NEGR1: variants seen among roughly 807,000 people sequenced by gnomAD.
The protein encoded by NEGR1 is neuronal growth regulator 1, also known as IgLON family member 4.
In NEGR1, 10 loss-of-function variants were observed where a neutral mutation model predicts 40.9. The ratio of observed to expected loss-of-function variants is 0.24; its 90% CI spans 0.15 to 0.42. NEGR1 has a LOEUF of 0.42. NEGR1 is among the 10% of genes least tolerant of loss of function. The probability of loss-of-function intolerance (pLI) is 1.00; values close to 1 mark genes in which losing one functional copy is unlikely to be tolerated. For missense variants in NEGR1, 352 were observed against 438.9 expected (o/e 0.80, Z 1.77); for synonymous variants, 185 against 166.8 (o/e 1.11, Z -0.84).
chr1:71,685,803 A>G (rs7542031), intron 4 of NEGR1, among the ~76,000 whole-genome samples: 149,735 of 152,280 alleles, frequency 0.98, 73,656 homozygotes, highest in Middle Eastern at 1. Flanking sequence ...TATCCAGATC[A>G]TTGGTATTCA....
intron 3 of NEGR1, among the ~76,000 whole-genome samples, chr1:71,730,219 T>C (rs904233610): frequency 6.6e-6 from 1 of 152,036 alleles, no homozygotes; most frequent in Non-Finnish European, 1.5e-5. Flanking sequence ...TTTGTTCAGA[T>C]AAGTAGATGG....
At chr1:71,478,242 A>T (rs1646834354) in intron 6 of NEGR1, among the ~76,000 whole-genome samples, 1 of 152,018 alleles carries the variant, frequency 6.6e-6, no homozygotes, top group African/African-American at 2.4e-5. Context: ...GTAAATGCTA[A>T]ACATAGTATT....
chr1:71,755,855 G>A (rs762017983), intron 3 of NEGR1, among the ~76,000 whole-genome samples: 2 of 152,146 alleles, frequency 1.3e-5, no homozygotes, highest in Non-Finnish European at 2.9e-5. Flanking sequence ...CTGGCACAAA[G>A]TCTGACATAG....
At chr1:72,232,637 T>A (rs1557590122) in intron 1 of NEGR1, among the ~76,000 whole-genome samples, 2 of 152,074 alleles carry the variant, frequency 1.3e-5, no homozygotes, top group East Asian at 3.9e-4. Flanking sequence ...ATCATTTTAA[T>A]TGTATCATAG....
intron 2 of NEGR1, among the ~76,000 whole-genome samples, chr1:71,854,129 T>C (rs1659691007): frequency 1.3e-5 from 2 of 152,162 alleles, no homozygotes; most frequent in South Asian, 4.1e-4. Context: ...CTTTGCCCTA[T>C]ACCTTGTCAA....
Position 71,734,732 on chromosome 1 carries a change from C to T in NEGR1, c.536-36593G>A, listed in dbSNP as rs545215810. On this transcript the variant is annotated intron_variant, in intron 3 of 6. Transcript: ENST00000357731. ...TTCTACTCCTATAATCTGACTCTTA[C>T]CACTAGTGTACCACTGAAACAGCTT... Among the ~76,000 whole-genome samples, 4 of 152,212 alleles carry T rather than the reference C, an allele frequency of 2.6e-5. No homozygotes were observed. The South Asian group carries it at 8.3e-4, about 32-fold the overall frequency.
At chr1:72,186,769 A>C (rs889540258) in intron 1 of NEGR1, among the ~76,000 whole-genome samples, 2 of 151,614 alleles carry the variant, frequency 1.3e-5, no homozygotes, top group African/African-American at 2.4e-5. Flanking sequence ...GGAATGATAA[A>C]TTCTCATAGA....
chr1:71,823,477 C>A (rs550580052), intron 2 of NEGR1, among the ~76,000 whole-genome samples: 1 of 152,038 alleles, frequency 6.6e-6, no homozygotes, highest in Non-Finnish European at 1.5e-5. Context: ...ATTTGCTTTT[C>A]TGTGTAAAAA....
intron 1 of NEGR1, among the ~76,000 whole-genome samples, chr1:72,175,891 TA>T (rs1320253747): frequency 6.6e-6 from 1 of 152,124 alleles, no homozygotes; most frequent in African/African-American, 2.4e-5. Flanking sequence ...ATGGACATTA[TA>T]AATAAAACTA....
At chr1:71,943,578 G>C (rs754477174) in intron 1 of NEGR1, among the ~76,000 whole-genome samples, 11 of 151,880 alleles carry the variant, frequency 7.2e-5, no homozygotes, top group Non-Finnish European at 1.5e-4. Flanking sequence ...ACATGTAAAG[G>C]GTGCTTCAAT....
chr1:71,940,496 T>C (rs61765310), intron 1 of NEGR1, among the ~76,000 whole-genome samples: 17,963 of 152,220 alleles, frequency 0.12, 1,155 homozygotes, highest in Middle Eastern at 0.22. Flanking sequence ...GGAAAATACA[T>C]AGGAAATAGC....
intron 6 of NEGR1, among the ~76,000 whole-genome samples, chr1:71,451,117 C>T (rs965201509): frequency 3.9e-5 from 6 of 152,124 alleles, no homozygotes; most frequent in Admixed American, 6.6e-5. Context: ...TTGGAAGATG[C>T]CCCTCCCCGT....
chr1:72,226,258 G>A (rs1654187399), intron 1 of NEGR1, among the ~76,000 whole-genome samples: 1 of 151,882 alleles, frequency 6.6e-6, no homozygotes, highest in African/African-American at 2.4e-5. Context: ...ATTACACAAT[G>A]TTACTTTAAT....
At chr1:71,418,067 A>G (rs1646367869) in intron 6 of NEGR1, among the ~76,000 whole-genome samples, 1 of 112,526 alleles carries the variant, frequency 8.9e-6, no homozygotes, top group Non-Finnish European at 1.7e-5. Flanking sequence ...TCTGTGTTCC[A>G]GGGTACACTT....
chr1:71,730,880 G>A (rs1324732879), intron 3 of NEGR1, among the ~76,000 whole-genome samples: 1 of 63,582 alleles, frequency 1.6e-5, no homozygotes, highest in African/African-American at 1.0e-4. Flanking sequence ...AAGCATTCGT[G>A]TGTGTGTGTG....
In NEGR1 at chr1:71,399,334, C is replaced by T. The variant is rs1316916046; in HGVS notation, c.*8112G>A. ...CATTTAAAGTTATTAGACAGTAACA[C>T]ATTTCAAAGCATAATTTAGTTGTTT... On this transcript the variant is annotated 3_prime_UTR_variant, in exon 7 of 7. Transcript: ENST00000357731. 1 of 151,318 alleles carries T rather than the reference C, an allele frequency of 6.6e-6. No homozygotes were observed. Among genetic ancestry groups the T allele is most frequent in the African/African-American group, 2.4e-5 (1 of 41,278 alleles). The allele number at this position is 151,318 out of a possible 1,614,324, so 9.4% of individuals were successfully genotyped here.
At chr1:72,059,977 C>T (rs1202318748) in intron 1 of NEGR1, among the ~76,000 whole-genome samples, 1 of 151,520 alleles carries the variant, frequency 6.6e-6, no homozygotes, top group Non-Finnish European at 1.5e-5. Flanking sequence ...GTGCCTGAAG[C>T]CTTTCAGTTT....
chr1:72,178,993 T>C (rs1198560697), intron 1 of NEGR1, among the ~76,000 whole-genome samples: 1 of 152,030 alleles, frequency 6.6e-6, no homozygotes, highest in Non-Finnish European at 1.5e-5. Context: ...TCCCATTCTA[T>C]AGGTTGTCTG....
At chr1:71,742,108 A>C (rs971740317) in intron 3 of NEGR1, among the ~76,000 whole-genome samples, 2 of 152,172 alleles carry the variant, frequency 1.3e-5, no homozygotes, top group Non-Finnish European at 2.9e-5. Flanking sequence ...GGATTAGTGC[A>C]CTTATGAAAA....
Sources: gnomAD v4.1 joint callset for allele counts (sites outside exome capture counted in the v4.1 genomes callset) on GRCh38, gnomAD v4.1.1 for gene constraint, MANE v1.5 for transcripts, NCBI Gene and HGNC (gene_info 2026-07-23, HGNC 2026-07-21) for gene names.